HDAC9: variants seen among roughly 807,000 people sequenced by gnomAD.
The protein encoded by HDAC9 is MEF-2 interacting transcription repressor (MITR) protein.
Under a neutral mutation model 139.4 loss-of-function variants are expected in HDAC9, and 41 were observed. That is an observed-to-expected ratio of 0.29 (90% CI 0.23 to 0.38). HDAC9 has a LOEUF of 0.38. Ranked by LOEUF, HDAC9 falls within the 10% of genes least tolerant of loss-of-function variation. The probability of loss-of-function intolerance (pLI) is 1.00; values close to 1 mark genes in which losing one functional copy is unlikely to be tolerated. For missense variants in HDAC9, 1,147 were observed against 1,297.0 expected (o/e 0.88, Z 1.78); for synonymous variants, 517 against 476.2 (o/e 1.09, Z -1.12).
intron 1 of HDAC9, among the ~76,000 whole-genome samples, chr7:18,326,646 T>G (rs1438883850): frequency 6.6e-6 from 1 of 152,046 alleles, no homozygotes; most frequent in Non-Finnish European, 1.5e-5. Flanking sequence ...GAATGTATAC[T>G]TTGGATTTAT....
At chr7:18,284,268 A>G (rs1480407632) in intron 2 of HDAC9, among the ~76,000 whole-genome samples, 2 of 152,158 alleles carry the variant, frequency 1.3e-5, no homozygotes, top group Non-Finnish European at 2.9e-5. Context: ...TATTTACAAC[A>G]CACATATGCA....
intron 1 of HDAC9, among the ~76,000 whole-genome samples, chr7:18,438,645 CGTGTGTGTGT>C (rs5882662): frequency 1.1e-4 from 17 of 148,054 alleles, no homozygotes; most frequent in South Asian, 4.3e-4. Flanking sequence ...GCTGTGTGTG[CGTGTGTGTGT>C]GTGTGTGTGT....
At position 18,774,454 on chromosome 7, in the gene HDAC9, C is replaced by G. The variant is rs1478114481; in HGVS notation, c.2214+7299C>G. Among the ~76,000 whole-genome samples the G allele has an allele frequency of 3.3e-5, 5 of 151,940 alleles. No homozygotes were observed. The East Asian group carries it at 7.7e-4, about 23-fold the overall frequency. On this transcript the variant is annotated intron_variant, in intron 16 of 25. Coordinates refer to ENST00000686413, the MANE Select transcript of HDAC9 (RefSeq NM_178425.4). ...GAGCAACACAGTAAAGCAAATAGCA[C>G]AATAAAGTGAGTCACACAAATGTTT...
At chr7:18,562,300 T>A (rs1462917494) in intron 2 of HDAC9, among the ~76,000 whole-genome samples, 1 of 152,188 alleles carries the variant, frequency 6.6e-6, no homozygotes, top group African/African-American at 2.4e-5. Flanking sequence ...TCAGCAACAA[T>A]TTTAATTTTG....
At chr7:18,588,672 C>G (rs866407366) in intron 3 of HDAC9, among the ~76,000 whole-genome samples, 13 of 152,092 alleles carry the variant, frequency 8.5e-5, no homozygotes, top group Middle Eastern at 3.4e-3. Context: ...CATGTCTTGC[C>G]CACACACACA....
At chr7:18,133,206 A>C (rs963038099) in intron 1 of HDAC9, among the ~76,000 whole-genome samples, 9 of 152,214 alleles carry the variant, frequency 5.9e-5, no homozygotes, top group African/African-American at 2.2e-4. Context: ...TCAAAATAGA[A>C]CAAATTCCAC....
chr7:18,362,686 A>G (rs925180495), intron 1 of HDAC9, among the ~76,000 whole-genome samples: 4 of 152,142 alleles, frequency 2.6e-5, no homozygotes, highest in African/African-American at 4.8e-5. Context: ...GAGTGAATGG[A>G]TTGCTATTGA....
intron 23 of HDAC9, among the ~76,000 whole-genome samples, chr7:18,950,351 T>C (rs1265086196): frequency 2.6e-5 from 4 of 152,054 alleles, no homozygotes; most frequent in Non-Finnish European, 5.9e-5. Flanking sequence ...TGTGTGGAAA[T>C]TATGCAAGAG....
intron 22 of HDAC9, among the ~76,000 whole-genome samples, chr7:18,877,682 T>C (rs1799422883): frequency 1.3e-5 from 2 of 152,300 alleles, no homozygotes; most frequent in South Asian, 2.1e-4. Context: ...ACTAGGGTTT[T>C]TGTTTGTTTT....
intron 1 of HDAC9, among the ~76,000 whole-genome samples, chr7:18,333,750 A>G (rs1781381298): frequency 6.6e-6 from 1 of 151,540 alleles, no homozygotes. Flanking sequence ...AACATAATCT[A>G]GCAATGTTAA....
intron 6 of HDAC9, among the ~76,000 whole-genome samples, chr7:18,600,908 T>A (rs1386275779): frequency 2.0e-5 from 3 of 152,186 alleles, no homozygotes; most frequent in African/African-American, 7.2e-5. Flanking sequence ...GCTCAAGTGA[T>A]CTTCCCGCCT....
At chr7:18,685,874 A>G (rs955280879) in intron 12 of HDAC9, among the ~76,000 whole-genome samples, 2 of 152,014 alleles carry the variant, frequency 1.3e-5, no homozygotes, top group African/African-American at 4.8e-5. Context: ...TAGAATGGCA[A>G]AATTTTATTG....
chr7:18,490,457 A>G lies in HDAC9; in HGVS notation c.-41-5805A>G, dbSNP rs149475595. ...TCGTTGATTTGTTTTGCTTTCAAAT[A>G]TAACAGTCTCCCTGAAATTTCAATG... is the stretch of plus-strand genomic sequence containing the variant. On this transcript the variant is annotated intron_variant, in intron 1 of 3. Transcript: ENST00000413509. 9.2e-5 allele frequency among the ~76,000 whole-genome samples: 14 copies of G among 152,152 alleles called. No homozygotes were observed. The East Asian group carries it at 2.7e-3, about 29-fold the overall frequency.
intron 16 of HDAC9, among the ~76,000 whole-genome samples, chr7:18,792,155 G>A (rs372026563): frequency 6.6e-6 from 1 of 151,762 alleles, no homozygotes; most frequent in African/African-American, 2.4e-5. Context: ...TGAGAAAAAG[G>A]CATGTGAATA....
At chr7:18,873,748 A>G (rs1293075295) in intron 21 of HDAC9, among the ~76,000 whole-genome samples, 1 of 152,132 alleles carries the variant, frequency 6.6e-6, no homozygotes, top group East Asian at 1.9e-4. Context: ...TATAAAGCCC[A>G]GTTGCATTCA....
intron 2 of HDAC9, among the ~76,000 whole-genome samples, chr7:18,193,540 A>G (rs1276416207): frequency 2.0e-5 from 3 of 152,188 alleles, no homozygotes; most frequent in Non-Finnish European, 2.9e-5. Flanking sequence ...ATATAACACA[A>G]TATGCTACTT....
chr7:18,176,651 TA>T (rs1051819772), intron 2 of HDAC9, among the ~76,000 whole-genome samples: 1 of 152,206 alleles, frequency 6.6e-6, no homozygotes, highest in Non-Finnish European at 1.5e-5. Context: ...GGTAATTTTT[TA>T]AAAAATTTAT....
chr7:18,400,491 A>G (rs1787439393), intron 1 of HDAC9, among the ~76,000 whole-genome samples: 1 of 152,180 alleles, frequency 6.6e-6, no homozygotes, highest in African/African-American at 2.4e-5. Context: ...CCCTCCCACC[A>G]GATGACTTCT....
At chr7:18,899,266 T>C (rs1332089049) in intron 22 of HDAC9, 3 of 152,022 alleles carry the variant, frequency 2.0e-5, no homozygotes, top group Non-Finnish European at 2.9e-5. Context: ...TGAAGTGAGC[T>C]CCTATGTGGT....
Sources: allele counts gnomAD v4.1 joint callset (sites outside exome capture counted in the v4.1 genomes callset), GRCh38; gene constraint gnomAD v4.1.1; transcripts MANE v1.5; gene names NCBI Gene and HGNC (gene_info 2026-07-23, HGNC 2026-07-21).